Variants in SEPTIN14 observed in about 807,000 individuals in gnomAD.
The protein encoded by SEPTIN14 is septin 14, also known as septin-14.
A neutral mutation model predicts 53.6 loss-of-function variants in SEPTIN14; 40 were observed. The observed-to-expected ratio is 0.75, with a 90% confidence interval of 0.58 to 0.97. The LOEUF (loss-of-function observed/expected upper bound fraction) is 0.97, where lower values mean the gene tolerates loss of function less well. Ranked by LOEUF, SEPTIN14 falls within the 50% of genes least tolerant of loss-of-function variation. The pLI is 0.00. For missense variants in SEPTIN14, 471 were observed against 508.2 expected (o/e 0.93, Z 0.70); for synonymous variants, 138 against 166.8 (o/e 0.83, Z 1.33).
chr7:55,796,081 C>T lies in SEPTIN14; in HGVS notation c.1131G>A (p.Lys377=), dbSNP rs749750438. Residue 377 remains lysine, a synonymous_variant, in exon 10 of 10, where the codon AAG becomes AAA. Transcript: ENST00000388975. ...FKEAEKELQD[K]FEHLKMIQQE... ...GTTGAATCATTTTAAGATGCTCGAACTTGTCCTGCAGCTGTGAAACCAATG... is the reference window on the plus strand; with the variant it reads ...GTTGAATCATTTTAAGATGCTCGAATTTGTCCTGCAGCTGTGAAACCAATG... 4 of 1,528,440 alleles carry T rather than the reference C, an allele frequency of 2.6e-6. No homozygotes were observed. The highest frequency in any genetic ancestry group is 3.6e-6 in the Non-Finnish European group (4 of 1,118,520). 94.7% of individuals were successfully genotyped at this position (1,528,440 alleles called of 1,614,324 possible).
chr7:55,862,396 G>A (rs1789765114), intron 1 of SEPTIN14, among the ~76,000 whole-genome samples: 2 of 151,982 alleles, frequency 1.3e-5, no homozygotes, highest in Non-Finnish European at 1.5e-5. Flanking sequence ...ACACTCACAA[G>A]CACTTAACTT....
chr7:55,855,676 G>A (rs1402145009), intron 2 of SEPTIN14, among the ~76,000 whole-genome samples: 2 of 151,906 alleles, frequency 1.3e-5, no homozygotes, highest in African/African-American at 4.8e-5. Context: ...CTGACTCAAC[G>A]TCCTGAGTAG....
At chr7:55,797,122 CAAAAAAAGAA>C (rs1048468656) in intron 9 of SEPTIN14, among the ~76,000 whole-genome samples, 6 of 147,498 alleles carry the variant, frequency 4.1e-5, no homozygotes, top group African/African-American at 1.3e-4. Flanking sequence ...GACTCCATCT[CAAAAAAAGAA>C]AAAAAAAGAG....
Position 55,842,913 on chromosome 7 carries a change from A to C in SEPTIN14, c.558+29T>G. ...ACAGAGGGAGACTCCGTCTCAAAAAAAAAAAGATGGTAGATTTACCAAACA... is the reference window on the plus strand; with the variant it reads ...ACAGAGGGAGACTCCGTCTCAAAAACAAAAAGATGGTAGATTTACCAAACA... On this transcript the variant is annotated intron_variant, in intron 5 of 9. Transcript: ENST00000388975. 1.4e-6 allele frequency: 2 copies of C among 1,432,624 alleles called. 1 individual carries two copies. Among genetic ancestry groups the C allele is most frequent in the Non-Finnish European group, 1.9e-6 (2 of 1,078,324 alleles). 88.7% of individuals were successfully genotyped at this position (1,432,624 alleles called of 1,614,324 possible).
At chr7:55,849,053 G>A (rs866605104) in intron 2 of SEPTIN14, among the ~76,000 whole-genome samples, 4 of 152,072 alleles carry the variant, frequency 2.6e-5, no homozygotes, top group South Asian at 4.1e-4. Flanking sequence ...GGCCAGGCAC[G>A]TTGGCTCACG....
At chr7:55,805,071 C>G (rs73701151) in intron 9 of SEPTIN14, among the ~76,000 whole-genome samples, 187 bp downstream of exon 9, 1 of 151,900 alleles carries the variant, frequency 6.6e-6, no homozygotes, top group Non-Finnish European at 1.5e-5. Flanking sequence ...AAATTAAGTT[C>G]TCTAGAAAAA....
At chr7:55,811,251 T>C (rs1584254216) in intron 7 of SEPTIN14, 5 of 524,364 alleles carry the variant, frequency 9.5e-6, no homozygotes, top group East Asian at 1.0e-4. Flanking sequence ...CTGGATGTTG[T>C]AGAGTTTATC....
chr7:55,801,785 G>A (rs1788525773), intron 9 of SEPTIN14, among the ~76,000 whole-genome samples: 1 of 151,954 alleles, frequency 6.6e-6, no homozygotes, highest in African/African-American at 2.4e-5. Flanking sequence ...GCCAGGCACG[G>A]TGGTACATGC....
chr7:55,857,490 GAGGGAAGGGAAGGGA>G (rs1214849802), intron 2 of SEPTIN14, among the ~76,000 whole-genome samples: 1 of 71,446 alleles, frequency 1.4e-5, no homozygotes, highest in African/African-American at 6.8e-5. Context: ...GAGGGGAGGG[GAGGGAAGGGAAGGGA>G]AGGGAAGGGA....
At chr7:55,830,349 A>ATATATTTT (rs71015108) in intron 6 of SEPTIN14, among the ~76,000 whole-genome samples, 30 of 56,844 alleles carry the variant, frequency 5.3e-4, no homozygotes, top group East Asian at 1.8e-3. Flanking sequence ...ATATATATAT[A>ATATATTTT]TTTTTTTTTT....
chr7:55,852,690 G>T (rs913101994), intron 2 of SEPTIN14, among the ~76,000 whole-genome samples: 6 of 152,030 alleles, frequency 3.9e-5, no homozygotes, highest in Admixed American at 2.0e-4. Flanking sequence ...GGACAAATGG[G>T]ATCATATGAA....
chr7:55,811,659 G>T (rs577239360), intron 7 of SEPTIN14, among the ~76,000 whole-genome samples: 2 of 142,982 alleles, frequency 1.4e-5, no homozygotes, highest in East Asian at 2.1e-4. Flanking sequence ...GCACCACCAC[G>T]CCTGGTTTTT....
chr7:55,825,180 A>G (rs1788960952), intron 6 of SEPTIN14, among the ~76,000 whole-genome samples: 1 of 152,196 alleles, frequency 6.6e-6, no homozygotes, highest in African/African-American at 2.4e-5. Context: ...ATCAGCTATC[A>G]AGCCACAAAA....
At chr7:55,818,756 G>A (rs1788838637) in intron 7 of SEPTIN14, among the ~76,000 whole-genome samples, 1 of 152,124 alleles carries the variant, frequency 6.6e-6, no homozygotes, top group South Asian at 2.1e-4. Flanking sequence ...TATGTAACAT[G>A]TCTACACACT....
chr7:55,808,776 TC>T (rs2115968770), intron 7 of SEPTIN14, among the ~76,000 whole-genome samples: 1 of 152,242 alleles, frequency 6.6e-6, no homozygotes, highest in East Asian at 1.9e-4. Context: ...GGTTTCGAAC[TC>T]CTGACCTCAG....
At chr7:55,809,833 C>CT (rs542777992) in intron 7 of SEPTIN14, among the ~76,000 whole-genome samples, 275 of 111,966 alleles carry the variant, frequency 2.5e-3, no homozygotes, top group Middle Eastern at 5.3e-3. Context: ...AATGGCTTGT[C>CT]TTTTTTTTTT....
intron 6 of SEPTIN14, among the ~76,000 whole-genome samples, chr7:55,825,241 C>G (rs1788961657): frequency 6.6e-6 from 1 of 152,024 alleles, no homozygotes; most frequent in African/African-American, 2.4e-5. Flanking sequence ...TGAAGCCAAT[C>G]CAAAAGTTCT....
chr7:55,844,618 T>C lies in SEPTIN14; in HGVS notation c.276A>G (p.Gln92=), dbSNP rs761535323. The change falls in exon 4 of 10, where the codon CAA becomes CAG. Residue 92 remains glutamine (Q), a synonymous_variant. Transcript: ENST00000388975. ...SSHFYSNVGL[Q]IQTYELQESN... is the part of the protein sequence containing the mutation. ...TTTCCTGAAGTTCATATGTCTGAAT[T>C]TGAAGTCCAACATTTGAGTAAAAAT... 3 of 1,610,132 alleles carry C rather than the reference T, an allele frequency of 1.9e-6. No homozygotes were observed. Among genetic ancestry groups the C allele is most frequent in the African/African-American group, 1.3e-5 (1 of 74,856 alleles).
rs948066721 is a variant in SEPTIN14, at chr7:55,844,725, T to C, written c.176-7A>G. The C allele has an allele frequency of 2.6e-6, 4 of 1,522,496 alleles. No homozygotes were observed. The highest frequency in any genetic ancestry group is 3.6e-6 in the Non-Finnish European group (4 of 1,111,824). 94.3% of individuals were successfully genotyped at this position (1,522,496 alleles called of 1,614,324 possible). On this transcript the variant is annotated splice_polypyrimidine_tract_variant and splice_region_variant and intron_variant, in intron 3 of 9. Transcript: ENST00000388975. ...TTTCCAATTCCAGTCTCCCCTGTAA[T>C]AGACATAGAGTCATTGTCATAGGGA...
Sources: allele counts gnomAD v4.1 joint callset (sites outside exome capture counted in the v4.1 genomes callset), GRCh38; gene constraint gnomAD v4.1.1; transcripts MANE v1.5; gene names NCBI Gene and HGNC (gene_info 2026-07-23, HGNC 2026-07-21).